The following BCR variants were observed in gnomAD, a reference collection of about 807,000 sequenced individuals.
BCR encodes BCR activator of RhoGEF and GTPase.
In BCR, 58 loss-of-function variants were observed where a neutral mutation model predicts 138.6. That is an observed-to-expected ratio of 0.42 (90% confidence interval 0.34 to 0.52). The LOEUF is 0.52. Ranked by LOEUF, BCR falls within the 20% of genes least tolerant of loss-of-function variation. The probability of loss-of-function intolerance (pLI) is 0.06; values close to 1 mark genes in which losing one functional copy is unlikely to be tolerated. For synonymous variants in BCR, 786 were observed against 730.1 expected, an observed-to-expected ratio of 1.08 and a Z score of -1.23; for missense variants, 1,599 against 1,727.2, an observed-to-expected ratio of 0.93 and a Z score of 1.32.
chr22:23,287,626 G>C (rs1362864213), intron 11 of BCR, among the ~76,000 whole-genome samples: 1 of 152,220 alleles, frequency 6.6e-6, no homozygotes, highest in African/African-American at 2.4e-5. Context: ...GGCTCCTGCT[G>C]CCATCTGTAA....
intron 1 of BCR, among the ~76,000 whole-genome samples, chr22:23,186,775 C>G (rs532230375): frequency 6.6e-6 from 1 of 152,118 alleles, no homozygotes; most frequent in Non-Finnish European, 1.5e-5. Context: ...GGCGTGATCT[C>G]TGCTTACTGC....
chr22:23,278,127 C>G (rs546366617), intron 8 of BCR, among the ~76,000 whole-genome samples: 2 of 152,380 alleles, frequency 1.3e-5, no homozygotes, highest in South Asian at 2.1e-4. Flanking sequence ...GTGGTTGCCT[C>G]TCTGTCTACT....
chr22:23,207,214 AT>A (rs1383236594), intron 1 of BCR, among the ~76,000 whole-genome samples: 3 of 152,166 alleles, frequency 2.0e-5, no homozygotes, highest in African/African-American at 4.8e-5. Flanking sequence ...ATAGACATAT[AT>A]TAAAAACAGC....
chr22:23,260,796 G>A, intron 2 of BCR, 154 bp from the exon 3 acceptor site: 1 of 712,030 alleles, frequency 1.4e-6, no homozygotes, highest in South Asian at 1.6e-5. Context: ...TATGTGCGGA[G>A]GGTCCCCTGC....
chr22:23,313,461 C>A (rs556023763), intron 20 of BCR, among the ~76,000 whole-genome samples: 1 of 152,322 alleles, frequency 6.6e-6, no homozygotes, highest in African/African-American at 2.4e-5. Context: ...TCTGCATCAC[C>A]CTTAGGGCAG....
chr22:23,184,314 C>G (rs906425298), intron 1 of BCR, among the ~76,000 whole-genome samples: 8 of 151,824 alleles, frequency 5.3e-5, no homozygotes, highest in Non-Finnish European at 1.2e-4. Context: ...TGGTATCAAA[C>G]TCCTGGGCTC....
chr22:23,298,724 T>C (rs1168968735), intron 16 of BCR, among the ~76,000 whole-genome samples: 4 of 152,154 alleles, frequency 2.6e-5, no homozygotes, highest in Non-Finnish European at 5.9e-5. Context: ...GCCTCCTGAA[T>C]AGCTGTTATT....
At chr22:23,260,395 G>A (rs902936397) in intron 2 of BCR, among the ~76,000 whole-genome samples, 1 of 152,188 alleles carries the variant, frequency 6.6e-6, no homozygotes, top group African/African-American at 2.4e-5. Flanking sequence ...TGGGGCAGAT[G>A]GTAGCAGTCC....
chr22:23,268,251 G>A (rs1203575083), intron 4 of BCR, among the ~76,000 whole-genome samples, 157 bp from the exon 5 acceptor site: 3 of 152,320 alleles, frequency 2.0e-5, no homozygotes. Flanking sequence ...AGGGGAGCAG[G>A]TGGGAGGGAG....
intron 1 of BCR, among the ~76,000 whole-genome samples, chr22:23,230,091 T>G (rs2072939747): frequency 1.3e-5 from 2 of 151,238 alleles, no homozygotes; most frequent in Non-Finnish European, 2.9e-5. Context: ...GTTGGTAGTT[T>G]CAAGCTACTC....
At position 23,216,149 on chromosome 22, in the gene BCR, A is replaced by G. The variant is rs559703871; in HGVS notation, c.1279+33910A>G. 5.3e-5 allele frequency among the ~76,000 whole-genome samples: 8 copies of G among 152,214 alleles called. No individual in the cohort carries two copies. In the East Asian group the frequency reaches 1.5e-3, roughly 29 times the overall value. On this transcript the variant is annotated intron_variant, in intron 1 of 22. Transcript: ENST00000305877. ...TGAGTGGCTCTGATAAGCGTTGGCA[A>G]CACCACCGATTTTTGTGGGGCCTGG...
intron 1 of BCR, among the ~76,000 whole-genome samples, chr22:23,248,994 A>T (rs1477300056): frequency 6.6e-6 from 1 of 152,196 alleles, no homozygotes; most frequent in Non-Finnish European, 1.5e-5. Context: ...CCTCAAGAGG[A>T]AAGGGCCTTG....
chr22:23,181,743 C>T lies in BCR; in HGVS notation c.783C>T (p.Ile261=), dbSNP rs1029226010. The change falls in exon 1 of 23, where the codon ATC becomes ATT. Residue 261 remains isoleucine, a synonymous_variant. Coordinates refer to ENST00000305877, the MANE Select transcript of BCR (RefSeq NM_004327.4). ...LNPRFLKDNL[I]DANGGSRPPW... ...CCCGCTTCCTGAAGGACAACCTGAT[C>T]GACGCCAATGGCGGTAGCAGGCCCC... 1.9e-6 allele frequency: 3 copies of T among 1,604,308 alleles called. No homozygotes were observed. The highest frequency in any genetic ancestry group is 1.7e-5 in the Admixed American group (1 of 60,010).
intron 13 of BCR, 178 bp downstream of exon 13, chr22:23,289,799 G>A (rs771584845): frequency 9.8e-5 from 61 of 623,608 alleles, no homozygotes; most frequent in Non-Finnish European, 1.5e-4. Context: ...AGGTGGGTTA[G>A]GAGCAGTTTC....
At chr22:23,240,246 T>G (rs2073073673) in intron 1 of BCR, among the ~76,000 whole-genome samples, 1 of 152,026 alleles carries the variant, frequency 6.6e-6, no homozygotes, top group South Asian at 2.1e-4. Flanking sequence ...GAACACAATT[T>G]AGCCCCTAAA....
At position 23,293,186 on chromosome 22, in the gene BCR, C is replaced by T. The variant is rs116356564; in HGVS notation, c.2880+548C>T. 1.9e-3 allele frequency among the ~76,000 whole-genome samples: 286 copies of T among 152,194 alleles called. 3 individuals carry two copies. Among genetic ancestry groups the T allele is most frequent in the African/African-American group, 6.5e-3 (268 of 41,526 alleles). On this transcript the variant is annotated intron_variant, in intron 15 of 22. Transcript: ENST00000305877. ...GTAGGGGAATGATTGCAGAGAGGCC[C>T]GTATTGACTAAGTCCCAGATCCATG...
intron 16 of BCR, among the ~76,000 whole-genome samples, chr22:23,305,241 C>T (rs1484978853): frequency 1.4e-5 from 2 of 141,776 alleles, no homozygotes; most frequent in African/African-American, 5.4e-5. Flanking sequence ...AGCAAAGACC[C>T]ACCCCCGGGA....
At chr22:23,235,372 G>C (rs2073011845) in intron 1 of BCR, among the ~76,000 whole-genome samples, 1 of 144,842 alleles carries the variant, frequency 6.9e-6, no homozygotes, top group South Asian at 2.3e-4. Context: ...GAGCCACCAT[G>C]CCCGGCCTTC....
At chr22:23,247,250 G>C (rs1338518879) in intron 1 of BCR, among the ~76,000 whole-genome samples, 1 of 152,208 alleles carries the variant, frequency 6.6e-6, no homozygotes, top group Admixed American at 6.5e-5. Context: ...GTCCGCCTCT[G>C]TGAAAACCTC....
Sources: allele counts gnomAD v4.1 joint callset (sites outside exome capture counted in the v4.1 genomes callset), GRCh38; gene constraint gnomAD v4.1.1; transcripts MANE v1.5; gene names NCBI Gene and HGNC (gene_info 2026-07-23, HGNC 2026-07-21).